The following CYP3A5 variants were observed in gnomAD, a reference collection of about 807,000 sequenced individuals.
CYP3A5 encodes the protein cytochrome P450 family 3 subfamily A member 5.
A neutral mutation model predicts 55.9 loss-of-function variants in CYP3A5; 51 were observed. The ratio of observed to expected loss-of-function variants is 0.91; its 90% confidence interval spans 0.73 to 1.15. The LOEUF is 1.15. Ranked by LOEUF, CYP3A5 falls within the 50% of genes most tolerant of loss-of-function variation. CYP3A5 has a pLI of 0.00. For missense variants in CYP3A5, 533 were observed against 596.6 expected, an observed-to-expected ratio of 0.89 and a Z score of 1.11; for synonymous variants, 196 against 213.9, an observed-to-expected ratio of 0.92 and a Z score of 0.73.
At chr7:99,650,329 C>G in intron 11 of CYP3A5, 97 bp from the exon 12 acceptor site, 5 of 1,117,008 alleles carry the variant, frequency 4.5e-6, no homozygotes, top group Non-Finnish European at 6.6e-6. Context: ...CCCTCCACCT[C>G]CCAACCAGTA....
intron 10 of CYP3A5, among the ~76,000 whole-genome samples, chr7:99,658,613 A>G (rs1056921712): frequency 1.3e-5 from 2 of 152,014 alleles, no homozygotes; most frequent in Admixed American, 1.3e-4. Context: ...TATTTCCTGA[A>G]TTTGAATGTT....
intron 2 of CYP3A5, among the ~76,000 whole-genome samples, chr7:99,675,475 T>C (rs544309070): frequency 6.6e-6 from 1 of 151,884 alleles, no homozygotes; most frequent in African/African-American, 2.4e-5. Flanking sequence ...AAGCTCCAGG[T>C]ACACAGGATA....
chr7:99,651,850 A>C (rs1809221204), intron 11 of CYP3A5, among the ~76,000 whole-genome samples: 1 of 152,178 alleles, frequency 6.6e-6, no homozygotes, highest in Admixed American at 6.5e-5. Flanking sequence ...GTCTACTGAG[A>C]GTATAAGGGA....
rs565139686 is a variant in CYP3A5, at chr7:99,678,928, C to A, written c.71+898G>T. Among the ~76,000 whole-genome samples, 10 of 152,250 alleles carry A rather than the reference C, an allele frequency of 6.6e-5. No homozygotes were observed. In the East Asian group the frequency reaches 1.9e-3, roughly 29 times the overall value. The stretch of plus-strand genomic sequence containing the variant: ...TCTTCTCTCCACCTGCTCTAGGATG[C>A]CAGGAATCCCACCAGTGAGAGGGTT... On this transcript the variant is annotated intron_variant, in intron 1 of 12. Coordinates refer to ENST00000222982, the MANE Select transcript of CYP3A5 (RefSeq NM_000777.5).
intron 4 of CYP3A5, among the ~76,000 whole-genome samples, chr7:99,668,633 C>CA (rs1189826299): frequency 3.3e-5 from 5 of 152,134 alleles, no homozygotes; most frequent in Non-Finnish European, 7.3e-5. Flanking sequence ...GCAAACAGTT[C>CA]AGCAAGAAGA....
Position 99,665,211 on chromosome 7 carries a change from T to A in CYP3A5, c.625A>T (p.Lys209Ter). ...PQDPFVESTK[K>*]FLKFGFLDPL... is the part of the protein sequence containing the mutation. ...TCTAAGAAACCAAATTTTAGGAACT[T>A]CTTAGTGCTCTCCACAAAGGGGTCT... Residue 209 changes from lysine (K) to a stop codon, truncating the protein, a stop_gained, in exon 7 of 13, where the codon AAG becomes TAG. Coordinates refer to ENST00000222982, the MANE Select transcript of CYP3A5 (RefSeq NM_000777.5). LOFTEE classifies it high-confidence loss of function. 6.2e-7 allele frequency: 1 copy of A among 1,614,112 alleles called. No individual in the cohort carries two copies. Among genetic ancestry groups the A allele is most frequent in the Non-Finnish European group, 8.5e-7 (1 of 1,179,960 alleles).
In CYP3A5 at chr7:99,665,273, G is replaced by A; in HGVS notation, c.563C>T (p.Ser188Leu). Residue 188 changes from serine to leucine, a missense_variant, in exon 7 of 13, where the codon TCA becomes TTA. Transcript: ENST00000222982. ...AYSMDVITGTSFGVNIDSLNN... is the reference protein window; with the variant it reads ...AYSMDVITGTLFGVNIDSLNN... ...GAGAGAGTCGATGTTCACTCCAAAT[G>A]ATGTGCCAGTAATCACATCCATGCT... 1 of 1,614,084 alleles carries A rather than the reference G, an allele frequency of 6.2e-7. No individual in the cohort carries two copies. The highest frequency in any genetic ancestry group is 1.7e-5 in the Admixed American group (1 of 60,026).
At chr7:99,673,203 A>G (rs1458424958) in intron 3 of CYP3A5, among the ~76,000 whole-genome samples, 1 of 152,208 alleles carries the variant, frequency 6.6e-6, no homozygotes, top group Admixed American at 6.5e-5. Context: ...TGTATGGGCC[A>G]TGCCAGCTCC....
intron 4 of CYP3A5, chr7:99,671,775 C>T: frequency 1.4e-6 from 1 of 701,958 alleles, no homozygotes; most frequent in Non-Finnish European, 2.6e-6. Context: ...TAGAACCTGT[C>T]AGAGAAAAAG....
chr7:99,654,514 C>G (rs998417089), intron 10 of CYP3A5, among the ~76,000 whole-genome samples: 5 of 152,170 alleles, frequency 3.3e-5, no homozygotes, highest in African/African-American at 1.2e-4. Context: ...CAAGTCTTTG[C>G]TATTGTGAAT....
At position 99,650,089 on chromosome 7, in the gene CYP3A5, G is replaced by T. The variant is rs1450116579; in HGVS notation, c.1397C>A (p.Pro466His). The T allele has an allele frequency of 6.2e-7, 1 of 1,614,010 alleles. No homozygotes were observed. The highest frequency in any genetic ancestry group is 1.1e-5 in the South Asian group (1 of 91,068). ...IRVLQNFSFKPCKETQIPLKL... is the reference protein window; with the variant it reads ...IRVLQNFSFKHCKETQIPLKL... ...TGTACTGACCTGTGTTTCTTTACAA[G>T]GTTTGAAGGAGAAGTTCTGAAGGAC... is the stretch of plus-strand genomic sequence containing the variant. Residue 466 changes from proline (P) to histidine (H), a missense_variant, in exon 12 of 13, where the codon CCT becomes CAT. Physicochemically the swap from Pro to His is moderately conservative, Grantham distance 77. Coordinates refer to ENST00000222982, the MANE Select transcript of CYP3A5 (RefSeq NM_000777.5).
At chr7:99,648,499 GC>G in intron 12 of CYP3A5, 99 bp from the exon 13 acceptor site, 4 of 706,870 alleles carry the variant, frequency 5.7e-6, no homozygotes, top group Non-Finnish European at 8.8e-6. Context: ...TGCTTTGCAA[GC>G]ATATAAAAAC....
At chr7:99,651,270 A>G (rs1274801058) in intron 11 of CYP3A5, among the ~76,000 whole-genome samples, 3 of 152,240 alleles carry the variant, frequency 2.0e-5, no homozygotes, top group Non-Finnish European at 4.4e-5. Flanking sequence ...ATATACACAC[A>G]CATATACGTA....
intron 2 of CYP3A5, among the ~76,000 whole-genome samples, chr7:99,675,383 A>T (rs941899020): frequency 6.6e-6 from 1 of 152,156 alleles, no homozygotes; most frequent in African/African-American, 2.4e-5. Context: ...TACTGCTTTT[A>T]TCGAGGGTAA....
At chr7:99,666,572 C>G in intron 6 of CYP3A5, 29 bp downstream of exon 6, 1 of 1,608,670 alleles carries the variant, frequency 6.2e-7, no homozygotes, top group Non-Finnish European at 8.5e-7. Flanking sequence ...CATGACAGCT[C>G]AGAACCCCAT....
At chr7:99,678,748 C>G (rs1812534237) in intron 1 of CYP3A5, among the ~76,000 whole-genome samples, 1 of 152,248 alleles carries the variant, frequency 6.6e-6, no homozygotes, top group Non-Finnish European at 1.5e-5. Flanking sequence ...GTTGCCACAA[C>G]TCACTGAATT....
At chr7:99,661,023 A>G (rs1490877427) in intron 9 of CYP3A5, among the ~76,000 whole-genome samples, 1 of 152,230 alleles carries the variant, frequency 6.6e-6, no homozygotes, top group Non-Finnish European at 1.5e-5. Flanking sequence ...AATATGGGGT[A>G]GGCTTTTTCC....
intron 11 of CYP3A5, 56 bp from the exon 12 acceptor site, chr7:99,650,288 C>T: frequency 6.4e-7 from 1 of 1,553,728 alleles, no homozygotes; most frequent in Non-Finnish European, 8.9e-7. Context: ...CACAGAGTTA[C>T]ATGTTAGGGG....
chr7:99,665,730 T>C (rs1810938884), intron 6 of CYP3A5, among the ~76,000 whole-genome samples: 1 of 152,242 alleles, frequency 6.6e-6, no homozygotes, highest in African/African-American at 2.4e-5. Flanking sequence ...ACAGACTCTA[T>C]GCCCAGAGCC....
Sources: allele counts gnomAD v4.1 joint callset (sites outside exome capture counted in the v4.1 genomes callset), GRCh38; gene constraint gnomAD v4.1.1; transcripts MANE v1.5; gene names NCBI Gene and HGNC (gene_info 2026-07-23, HGNC 2026-07-21).